POFUT2: variants seen among roughly 807,000 people sequenced by gnomAD.
POFUT2 encodes the protein protein O-fucosyltransferase 2, also known as GDP-fucose protein O-fucosyltransferase 2.
POFUT2 carries 30 observed loss-of-function variants against 55.0 expected under a neutral mutation model. That is an observed-to-expected ratio of 0.55 (90% CI 0.41 to 0.74). POFUT2 has a LOEUF of 0.74. Ranked by LOEUF, POFUT2 falls within the 30% of genes least tolerant of loss-of-function variation. The pLI is 0.00. For missense variants in POFUT2, 524 were observed against 562.6 expected (o/e 0.93, Z 0.69); for synonymous variants, 267 against 231.1 (o/e 1.16, Z -1.41).
rs2093148203 is a variant in POFUT2 at position 45,265,780 on chromosome 21, A to C, written c.1137-145T>G. 7.0e-7 allele frequency: 1 copy of C among 1,433,502 alleles called. No homozygotes were observed. The highest frequency in any genetic ancestry group is 9.1e-7 in the Non-Finnish European group (1 of 1,097,824). The allele number at this position is 1,433,502 out of a possible 1,614,324, so 88.8% of individuals were successfully genotyped here. A position where few individuals can be genotyped will look rare whatever the true frequency, so the allele number is the denominator to read the frequency against. On this transcript the variant is annotated intron_variant, in intron 8 of 8. Transcript: ENST00000349485. This position sits in a 1 kb window ranked among gnomAD's most constrained non-coding sequence, Gnocchi z 4.6. ...CACGGCCGTCCCCCGAGCACCCACC[A>C]GCCGGCCGCCCCCTTGCTGGCACCC... is the stretch of plus-strand genomic sequence containing the variant.
chr21:45,273,273 A>G (rs1225587914), intron 6 of POFUT2, among the ~76,000 whole-genome samples: 1 of 152,198 alleles, frequency 6.6e-6, no homozygotes, highest in Non-Finnish European at 1.5e-5. Context: ...TATGCGCACA[A>G]ACTGGAAAAT....
At chr21:45,271,421 G>A (rs2093218975) in intron 6 of POFUT2, among the ~76,000 whole-genome samples, 1 of 152,274 alleles carries the variant, frequency 6.6e-6, no homozygotes. Flanking sequence ...CCAAACCTAA[G>A]GATAATTGGT....
Position 45,282,883 on chromosome 21 carries a change from G to A in POFUT2, c.528-424C>T, listed in dbSNP as rs1163908283. On this transcript the variant is annotated intron_variant, in intron 3 of 8. Transcript: ENST00000349485. The surrounding 1 kb of genome is among the most constrained non-coding windows in gnomAD (Gnocchi z 4.6). ...TGACAGCTTTTCCACAGGAGGCCTG[G>A]TAGTGTCAGAGCCTTTAATGGCAAT... The A allele has an allele frequency of 4.2e-6, 2 of 476,510 alleles. No homozygotes were observed. The highest frequency in any genetic ancestry group is 4.3e-6 in the Non-Finnish European group (1 of 231,002). 29.5% of individuals were successfully genotyped at this position (476,510 alleles called of 1,614,324 possible). A position where few individuals can be genotyped will look rare whatever the true frequency, so the allele number is the denominator to read the frequency against.
Position 45,287,784 on chromosome 21 carries a change from G to C in POFUT2, c.88C>G (p.Gln30Glu). ...CCCGACAGAATATCGGCCGCCGATT[G>C]TCCGGGCCAGAACTCCTGGCCGGAG... Reference protein sequence around the residue: ...SASGQEFWPGQSAADILSGAA... With the variant: ...SASGQEFWPGESAADILSGAA... Residue 30 changes from glutamine (Q) to glutamate (E), a missense_variant, in exon 1 of 9, where the codon CAA (glutamine) becomes GAA (glutamate). Around this residue, in one of 2 missense-constraint regions of POFUT2, gnomAD observed 274 missense variants for 244.4 expected, o/e 1.12. Transcript: ENST00000349485. 6.6e-7 allele frequency: 1 copy of C among 1,511,118 alleles called. No homozygotes were observed. Among genetic ancestry groups the C allele is most frequent in the Non-Finnish European group, 8.9e-7 (1 of 1,125,650 alleles). 93.6% of individuals were successfully genotyped at this position (1,511,118 alleles called of 1,614,324 possible). A position where few individuals can be genotyped will look rare whatever the true frequency, so the allele number is the denominator to read the frequency against.
In POFUT2 at chr21:45,287,813, G is replaced by A. The variant is rs757406740; in HGVS notation, c.59C>T (p.Ser20Phe). Residue 20 changes from serine (S) to phenylalanine (F), a missense_variant, in exon 1 of 9, where the codon TCT becomes TTT. Physicochemically the swap from Ser to Phe is radical, Grantham distance 155 (BLOSUM62 -2). This residue lies in a region of POFUT2 where 274 missense variants were observed against 244.4 expected (regional missense o/e 1.12). Coordinates refer to ENST00000349485, the MANE Select transcript of POFUT2 (RefSeq NM_133635.6). ...GGGCCAGAACTCCTGGCCGGAGGCA[G>A]AAGCCGGAGGCCAGGACACTGCCCC... ...LLGAVSWPPA[S>F]ASGQEFWPGQ... 6.7e-7 allele frequency: 1 copy of A among 1,502,700 alleles called. No homozygotes were observed. The highest frequency in any genetic ancestry group is 8.9e-7 in the Non-Finnish European group (1 of 1,122,086). The allele number at this position is 1,502,700 out of a possible 1,614,324, so 93.1% of individuals were successfully genotyped here. A position where few individuals can be genotyped will look rare whatever the true frequency, so the allele number is the denominator to read the frequency against.
At chr21:45,287,676 C>CCAACCCAACACAT in intron 1 of POFUT2, 65 bp downstream of exon 1, 1 of 1,181,514 alleles carries the variant, frequency 8.5e-7, no homozygotes, top group Non-Finnish European at 1.1e-6. Context: ...GCCCCGCCCC[C>CCAACCCAACACAT]ATCCCATCCT....
rs563780917 is a variant in POFUT2, at chr21:45,270,090, G to C, written c.832-71C>G. On this transcript the variant is annotated intron_variant, in intron 6 of 8. Coordinates refer to ENST00000349485, the MANE Select transcript of POFUT2 (RefSeq NM_133635.6). This position sits in a 1 kb window ranked among gnomAD's most constrained non-coding sequence, Gnocchi z 4.6. Reference sequence around the variant, plus strand: ...GGGGCTCATCCTGGGCACCGGGTGGGACTCGAGACGCAGAGGGATGACCCT... The same window carrying C: ...GGGGCTCATCCTGGGCACCGGGTGGCACTCGAGACGCAGAGGGATGACCCT... 1 of 1,274,644 alleles carries C rather than the reference G, an allele frequency of 7.8e-7. No homozygotes were observed. Among genetic ancestry groups the C allele is most frequent in the African/African-American group, 1.5e-5 (1 of 65,266 alleles). The allele number at this position is 1,274,644 out of a possible 1,614,324, so 79.0% of individuals were successfully genotyped here.
Position 45,266,190 on chromosome 21 carries a change from C to T in POFUT2, c.1137-555G>A, listed in dbSNP as rs554609794. On this transcript the variant is annotated intron_variant, in intron 8 of 8. Transcript: ENST00000349485. ...GGCCTGCCCGTTCCTCCGGCTCCTG[C>T]GCAGCTGGTCTCTGGCTCTCCAGCG... 6.0e-5 allele frequency: 82 copies of T among 1,367,554 alleles called. No individual in the cohort carries two copies. The East Asian group carries it at 2.5e-3, about 41-fold the overall frequency. The allele number at this position is 1,367,554 out of a possible 1,614,324, so 84.7% of individuals were successfully genotyped here. A position where few individuals can be genotyped will look rare whatever the true frequency, so the allele number is the denominator to read the frequency against.
Position 45,269,918 on chromosome 21 carries a change from C to T in POFUT2, c.933G>A (p.Gly311=). The T allele has an allele frequency of 6.2e-7, 1 of 1,610,152 alleles. No homozygotes were observed. Among genetic ancestry groups the T allele is most frequent in the South Asian group, 1.1e-5 (1 of 90,240 alleles). ...TGAGGCTGCGGATCTTCCTCACGGC[C>T]CCTTCCAGACTGGGTACATCCTGTC... ...GHRQDVPSLE[G]AVRKIRSLMK... The change falls in exon 7 of 9, where the codon GGG becomes GGA. Residue 311 remains glycine, a synonymous_variant. Coordinates refer to ENST00000349485, the MANE Select transcript of POFUT2 (RefSeq NM_133635.6).
intron 1 of POFUT2, 120 bp downstream of exon 1, chr21:45,287,621 T>C: frequency 1.2e-6 from 1 of 844,494 alleles, no homozygotes; most frequent in East Asian, 5.9e-5. Flanking sequence ...CTCCATCCCG[T>C]GGGCCTGCCC....
intron 3 of POFUT2, 61 bp downstream of exon 3, chr21:45,283,322 C>CA: frequency 1.4e-6 from 1 of 713,358 alleles, no homozygotes; most frequent in South Asian, 2.2e-5. Context: ...GGGGGGGGGA[C>CA]GCATGCGGCA....
rs780764583 is a variant in POFUT2, at chr21:45,265,462, G to C, written c.*20C>G. The C allele has an allele frequency of 1.3e-6, 2 of 1,592,478 alleles. No homozygotes were observed. The highest frequency in any genetic ancestry group is 1.7e-6 in the Non-Finnish European group (2 of 1,169,888). ...CACCCGCGCCTGTCGGGTCCGGGGA[G>C]CGGCCCTGGAGGATCCTCCTCAGTA... On this transcript the variant is annotated 3_prime_UTR_variant, in exon 9 of 9. Coordinates refer to ENST00000349485, the MANE Select transcript of POFUT2 (RefSeq NM_133635.6). This position sits in a 1 kb window ranked among gnomAD's most constrained non-coding sequence, Gnocchi z 4.6.
Position 45,270,064 on chromosome 21 carries a change from C to T in POFUT2, c.832-45G>A, listed in dbSNP as rs772072305. The T allele has an allele frequency of 3.4e-6, 5 of 1,461,554 alleles. No individual in the cohort carries two copies. Among genetic ancestry groups the T allele is most frequent in the African/African-American group, 2.9e-5 (2 of 68,954 alleles). 90.5% of individuals were successfully genotyped at this position (1,461,554 alleles called of 1,614,324 possible). On this transcript the variant is annotated intron_variant, in intron 6 of 8. Transcript: ENST00000349485. This position sits in a 1 kb window ranked among gnomAD's most constrained non-coding sequence, Gnocchi z 4.6. ...AAATGCAGAAGCTGACAGGCGGGCT[C>T]GGGGCTCATCCTGGGCACCGGGTGG...
In POFUT2 at chr21:45,281,894, C is replaced by G. The variant is rs541995067; in HGVS notation, c.638+455G>C. On this transcript the variant is annotated intron_variant, in intron 4 of 8. Transcript: ENST00000349485. This position sits in a 1 kb window ranked among gnomAD's most constrained non-coding sequence, Gnocchi z 5.0. ...CTCGAGGCCCAGCTCACCAGGCCGG[C>G]GACCACTTGAGGCAGACGCATGGCC... Among the ~76,000 whole-genome samples the G allele has an allele frequency of 6.6e-6, 1 of 152,088 alleles. No homozygotes were observed. Among genetic ancestry groups the G allele is most frequent in the South Asian group, 2.1e-4 (1 of 4,816 alleles).
rs759108684 is a variant in POFUT2, at chr21:45,278,107, C to T, written c.701G>A (p.Trp234Ter). ...LHDHYGGKEY[W>*]DTRRSMVFAR... ...CGCTCCCGAGGAAACACTCACATCC[C>T]AGTATTCTTTCCCTCCATAGTGGTC... Residue 234 changes from tryptophan to a stop codon, truncating the protein, a stop_gained, in exon 5 of 9, where the codon TGG becomes TAG. Transcript: ENST00000349485. LOFTEE classifies it high-confidence loss of function. 1.2e-6 allele frequency: 2 copies of T among 1,612,570 alleles called. No individual in the cohort carries two copies. Among genetic ancestry groups the T allele is most frequent in the Non-Finnish European group, 1.7e-6 (2 of 1,178,542 alleles).
Position 45,268,603 on chromosome 21 carries a change from G to A in POFUT2, c.1013-890C>T, listed in dbSNP as rs1474551033. On this transcript the variant is annotated intron_variant, in intron 7 of 8. Coordinates refer to ENST00000349485, the MANE Select transcript of POFUT2 (RefSeq NM_133635.6). ...GAGCGTCTCTGCCCAGCCGCCCATC[G>A]TCTGAGATGTGGGGAGCGCCTCTGC... 1.6e-3 allele frequency among the ~76,000 whole-genome samples: 234 copies of A among 149,458 alleles called. 1 individual carries two copies. Among genetic ancestry groups the A allele is most frequent in the Non-Finnish European group, 2.5e-3 (167 of 67,338 alleles).
rs1339873068 is a variant in POFUT2, at chr21:45,265,429, C to T, written c.*53G>A. The stretch of plus-strand genomic sequence containing the variant: ...AGACGGTGACTCCACGGCGACAGAA[C>T]CTGCATCCACCCGCGCCTGTCGGGT... On this transcript the variant is annotated 3_prime_UTR_variant, in exon 9 of 9. Transcript: ENST00000349485. This position sits in a 1 kb window ranked among gnomAD's most constrained non-coding sequence, Gnocchi z 4.6. 2 of 1,508,492 alleles carry T rather than the reference C, an allele frequency of 1.3e-6. No homozygotes were observed. The highest frequency in any genetic ancestry group is 1.8e-6 in the Non-Finnish European group (2 of 1,109,586). 93.4% of individuals were successfully genotyped at this position (1,508,492 alleles called of 1,614,324 possible). A position where few individuals can be genotyped will look rare whatever the true frequency, so the allele number is the denominator to read the frequency against.
At chr21:45,266,475 G>A (rs1036954213) in intron 8 of POFUT2, 11 of 1,139,222 alleles carry the variant, frequency 9.7e-6, no homozygotes, top group Non-Finnish European at 1.2e-5. Flanking sequence ...GAGGCTGAGA[G>A]CTCAGTGCGA....
intron 4 of POFUT2, among the ~76,000 whole-genome samples, chr21:45,279,715 T>C (rs1602207394): frequency 6.6e-6 from 1 of 152,168 alleles, no homozygotes; most frequent in African/African-American, 2.4e-5. Context: ...TACGCCCTCA[T>C]GGTTCACACA....
Sources: gnomAD v4.1 joint callset for allele counts (sites outside exome capture counted in the v4.1 genomes callset) on GRCh38, gnomAD v4.1.1 for gene constraint, gnomAD v4.1.1 regional missense constraint, Gnocchi (gnomAD v3.1) non-coding constraint, MANE v1.5 for transcripts, NCBI Gene and HGNC (gene_info 2026-07-23, HGNC 2026-07-21) for gene names.